The following UGT1A4 variants were observed in gnomAD, a reference collection of about 807,000 sequenced individuals.
The protein encoded by UGT1A4 is UDP-glucuronosyltransferase 1A4.
Under a neutral mutation model 41.1 loss-of-function variants are expected in UGT1A4, and 32 were observed. That is an observed-to-expected ratio of 0.78 (90% CI 0.59 to 1.05). UGT1A4 has a LOEUF of 1.05. UGT1A4 is among the 50% of genes least tolerant of loss of function. The pLI, the probability that UGT1A4 is intolerant of heterozygous loss-of-function variation, is 0.00. For missense variants in UGT1A4, 748 were observed against 677.4 expected, an observed-to-expected ratio of 1.10 and a Z score of -1.16; for synonymous variants, 283 against 265.1, an observed-to-expected ratio of 1.07 and a Z score of -0.66.
chr2:233,772,792 A>G lies in UGT1A4; in HGVS notation c.*233A>G. On this transcript the variant is annotated 3_prime_UTR_variant, in exon 5 of 5. Coordinates refer to ENST00000373409, the MANE Select transcript of UGT1A4 (RefSeq NM_007120.3). ...CTCTGGTGTCTTTGATCAGGATGAC[A>G]TGTGCCATTTTTCAGAGGACGTGCA... 8.2e-7 allele frequency: 1 copy of G among 1,219,898 alleles called. No homozygotes were observed. The highest frequency in any genetic ancestry group is 3.0e-4 in the Middle Eastern group (1 of 3,362). 75.6% of individuals were successfully genotyped at this position (1,219,898 alleles called of 1,614,324 possible).
At chr2:233,743,449 G>A in intron 1 of UGT1A4, 2 of 1,365,064 alleles carry the variant, frequency 1.5e-6, no homozygotes, top group African/African-American at 3.0e-5. Context: ...TGTATCAAAA[G>A]AAGAAAAAAC....
intron 1 of UGT1A4, among the ~76,000 whole-genome samples, chr2:233,763,435 T>G (rs1698313873): frequency 6.6e-6 from 1 of 152,248 alleles, no homozygotes; most frequent in African/African-American, 2.4e-5. Flanking sequence ...GTTGCTTTAA[T>G]AAGTGCATTT....
In UGT1A4 at chr2:233,744,657, C is replaced by T. The variant is rs1019492138; in HGVS notation, c.868-22377C>T. Among the ~76,000 whole-genome samples the T allele has an allele frequency of 2.6e-3, 395 of 152,040 alleles. 3 individuals carry two copies. The highest frequency in any genetic ancestry group is 6.8e-3 in the Middle Eastern group (2 of 294). The stretch of plus-strand genomic sequence containing the variant: ...CATGTCAGCTTCTGTATTCAATCTA[C>T]TGTGATATTACACATCACCCATGTA... On this transcript the variant is annotated intron_variant, in intron 1 of 4. Coordinates refer to ENST00000373409, the MANE Select transcript of UGT1A4 (RefSeq NM_007120.3).
At chr2:233,768,164 C>A in intron 3 of UGT1A4, 56 bp from the exon 4 acceptor site, 1 of 1,613,412 alleles carries the variant, frequency 6.2e-7, no homozygotes, top group South Asian at 1.1e-5. Context: ...CTAGATGTGT[C>A]CAGCTGTGAA....
intron 1 of UGT1A4, chr2:233,755,708 G>A (rs6747843): frequency 0.3 from 46,013 of 153,542 alleles, 7,045 homozygotes; most frequent in South Asian, 0.39. Context: ...AAGACATCCT[G>A]TTGTTTAGGA....
At chr2:233,731,346 T>C (rs1050740292) in intron 1 of UGT1A4, among the ~76,000 whole-genome samples, 9 of 151,806 alleles carry the variant, frequency 5.9e-5, no homozygotes, top group African/African-American at 2.2e-4. Flanking sequence ...GCAGGTTTGA[T>C]ACATAGGTAT....
At position 233,718,924 on chromosome 2, in the gene UGT1A4, C is replaced by T. The variant is rs1174289899; in HGVS notation, c.104C>T (p.Pro35Leu). ...WAESGKVLVV[P>L]TDGSPWLSMR... The stretch of plus-strand genomic sequence containing the variant: ...GAGAGTGGAAAGGTGTTGGTGGTGC[C>T]CACTGATGGCAGCCCCTGGCTCAGC... Residue 35 changes from proline to leucine, a missense_variant, in exon 1 of 5, where the codon CCC (proline) becomes CTC (leucine). Pro to Leu is a moderately conservative substitution (Grantham distance 98, BLOSUM62 -3). Transcript: ENST00000373409. 2.5e-6 allele frequency: 4 copies of T among 1,613,938 alleles called. No homozygotes were observed. The Admixed American group carries it at 5.0e-5, about 20-fold the overall frequency.
At chr2:233,729,678 C>G (rs748966468) in intron 1 of UGT1A4, 1 of 1,613,812 alleles carries the variant, frequency 6.2e-7, no homozygotes, top group Non-Finnish European at 8.5e-7. Flanking sequence ...ACTTTAAGGG[C>G]ACACAGTGTC....
intron 1 of UGT1A4, chr2:233,729,245 A>C (rs548939333): frequency 5.1e-5 from 82 of 1,614,188 alleles, no homozygotes; most frequent in South Asian, 2.9e-4. Context: ...GATGGCAGCC[A>C]CTGGCTCAGC....
intron 1 of UGT1A4, among the ~76,000 whole-genome samples, chr2:233,732,777 G>A: frequency 7.1e-6 from 1 of 141,314 alleles, no homozygotes; most frequent in Non-Finnish European, 1.5e-5. Flanking sequence ...TTTTTGCTTA[G>A]GATTGTCTTG....
intron 1 of UGT1A4, among the ~76,000 whole-genome samples, chr2:233,727,335 C>T (rs1297453544): frequency 1.3e-5 from 2 of 152,170 alleles, no homozygotes; most frequent in Admixed American, 1.3e-4. Context: ...GAGCTCCTCC[C>T]TCCCCATAGT....
intron 1 of UGT1A4, chr2:233,760,208 A>C: frequency 6.3e-7 from 1 of 1,589,248 alleles, no homozygotes; most frequent in African/African-American, 1.4e-5. Context: ...TCAAACATTA[A>C]CTTGGTGTAT....
rs2077428129 is a variant in UGT1A4 at position 233,725,300 on chromosome 2, AGAGGCAGAGGCAGAGGCG to A, written c.867+5614_867+5631del. 1.1e-4 allele frequency among the ~76,000 whole-genome samples: 8 copies of A among 74,572 alleles called. 3 individuals carry two copies. The South Asian group carries it at 4.5e-3, about 42-fold the overall frequency. 48.9% of individuals were successfully genotyped at this position (74,572 alleles called of 152,430 possible). ...CAGAGGCAGAGGCAGAGGCAGAGGCAGAGGCAGAGGCAGAGGCGCCTGGTCAACAATCTTAAGTCCAAT... is the reference window on the plus strand; with the variant it reads ...CAGAGGCAGAGGCAGAGGCAGAGGCACCTGGTCAACAATCTTAAGTCCAAT... On this transcript the variant is annotated intron_variant, in intron 1 of 4. Transcript: ENST00000373409.
At chr2:233,749,153 G>A (rs530115797) in intron 1 of UGT1A4, among the ~76,000 whole-genome samples, 14 of 151,714 alleles carry the variant, frequency 9.2e-5, no homozygotes, top group Non-Finnish European at 1.3e-4. Flanking sequence ...TCCATGACTT[G>A]ATCCTTTTGT....
rs537688236 is a variant in UGT1A4, at chr2:233,769,340, T to C, written c.1307+901T>C. On this transcript the variant is annotated intron_variant, in intron 4 of 4. Coordinates refer to ENST00000373409, the MANE Select transcript of UGT1A4 (RefSeq NM_007120.3). The surrounding 1 kb of genome is among the most constrained non-coding windows in gnomAD (Gnocchi z 4.4). The stretch of plus-strand genomic sequence containing the variant: ...CACTGGTAATAGGCTTATTAGAACC[T>C]TATGGGAAGAAGTGGTGGCCAGTGG... Among the ~76,000 whole-genome samples, 3 of 152,228 alleles carry C rather than the reference T, an allele frequency of 2.0e-5. No individual in the cohort carries two copies. The South Asian group carries it at 6.2e-4, about 32-fold the overall frequency.
chr2:233,748,151 T>C, intron 1 of UGT1A4: 1 of 1,604,824 alleles, frequency 6.2e-7, no homozygotes, highest in East Asian at 2.2e-5. Flanking sequence ...TTACTTACAA[T>C]TGCTTCCATA....
intron 1 of UGT1A4, chr2:233,760,621 A>G: frequency 1.9e-6 from 3 of 1,614,194 alleles, no homozygotes; most frequent in Non-Finnish European, 2.5e-6. Context: ...TGTGATCAAA[A>G]CATACAAGAA....
chr2:233,756,961 G>A (rs1696368025), intron 1 of UGT1A4, among the ~76,000 whole-genome samples: 1 of 151,950 alleles, frequency 6.6e-6, no homozygotes, highest in Admixed American at 6.6e-5. Context: ...CTTGGCACTT[G>A]GTAAGCACGC....
chr2:233,751,166 C>A lies in UGT1A4; in HGVS notation c.868-15868C>A, dbSNP rs1022992608. ...AGCCCACTTCTGGCATCAGCATGAC[C>A]TAGATATGAGACATGAAGTTAAAGG... On this transcript the variant is annotated intron_variant, in intron 1 of 4. Transcript: ENST00000373409. 3.9e-5 allele frequency among the ~76,000 whole-genome samples: 6 copies of A among 151,970 alleles called. 1 individual carries two copies. Among genetic ancestry groups the A allele is most frequent in the African/African-American group, 1.5e-4 (6 of 41,220 alleles).
Sources: allele counts gnomAD v4.1 joint callset (sites outside exome capture counted in the v4.1 genomes callset), GRCh38; gene constraint gnomAD v4.1.1; non-coding constraint Gnocchi (gnomAD v3.1); transcripts MANE v1.5; gene names NCBI Gene and HGNC (gene_info 2026-07-23, HGNC 2026-07-21).